The following RAP1GAP2 variants were observed in gnomAD, a reference collection of about 807,000 sequenced individuals.
RAP1GAP2 encodes the protein rap1 GTPase-activating protein 2.
RAP1GAP2 carries 27 observed loss-of-function variants against 95.0 expected under a neutral mutation model. The ratio of observed to expected loss-of-function variants is 0.28; its 90% CI spans 0.21 to 0.39. RAP1GAP2 has a LOEUF of 0.39. Among genes scored for constraint, RAP1GAP2 ranks in the 10% least tolerant of loss-of-function variants. The pLI, the probability that RAP1GAP2 is intolerant of heterozygous loss-of-function variation, is 1.00. For missense variants in RAP1GAP2, 771 were observed against 970.0 expected, an observed-to-expected ratio of 0.79 and a Z score of 2.72; for synonymous variants, 373 against 380.9, an observed-to-expected ratio of 0.98 and a Z score of 0.24.
At chr17:2,922,681 A>G (rs376594369) in intron 3 of RAP1GAP2, among the ~76,000 whole-genome samples, 10 of 152,308 alleles carry the variant, frequency 6.6e-5, no homozygotes, top group African/African-American at 1.9e-4. Flanking sequence ...GACCTGGTAC[A>G]TATGGGGCCA....
intron 2 of RAP1GAP2, among the ~76,000 whole-genome samples, chr17:2,839,887 C>T (rs1409272354): frequency 1.3e-5 from 2 of 152,124 alleles, no homozygotes; most frequent in African/African-American, 4.8e-5. Context: ...CAACCTCCGC[C>T]TCCTGGGTTC....
At chr17:3,026,852 G>A (rs879081610) in intron 21 of RAP1GAP2, 92 bp from the exon 22 acceptor site, 32 of 1,449,576 alleles carry the variant, frequency 2.2e-5, no homozygotes, top group South Asian at 8.1e-5. Flanking sequence ...AGGAGGCAGC[G>A]GCTGTCCTGG....
intron 3 of RAP1GAP2, among the ~76,000 whole-genome samples, chr17:2,928,971 C>T (rs1237216225): frequency 1.3e-5 from 2 of 152,120 alleles, no homozygotes; most frequent in Non-Finnish European, 2.9e-5. Flanking sequence ...CAGTGGCTCA[C>T]ACCTGTAATC....
chr17:2,924,436 A>G (rs946547642), intron 3 of RAP1GAP2, among the ~76,000 whole-genome samples: 6 of 152,136 alleles, frequency 3.9e-5, no homozygotes, highest in African/African-American at 1.4e-4. Context: ...TCAGATGTTA[A>G]TAGGATGGCT....
At chr17:2,954,690 T>C (rs979200946) in intron 3 of RAP1GAP2, among the ~76,000 whole-genome samples, 2 of 152,008 alleles carry the variant, frequency 1.3e-5, no homozygotes, top group African/African-American at 2.4e-5. Context: ...GCCTCCCAGG[T>C]TCAAGCGATT....
intron 13 of RAP1GAP2, 76 bp downstream of exon 13, chr17:2,995,542 AG>A: frequency 6.3e-7 from 1 of 1,576,898 alleles, no homozygotes; most frequent in Non-Finnish European, 8.7e-7. Flanking sequence ...ACCTGCTAAG[AG>A]GCTGTGGCCG....
chr17:2,760,556 G>C (rs2071226268), intron 1 of RAP1GAP2, among the ~76,000 whole-genome samples: 1 of 146,716 alleles, frequency 6.8e-6, no homozygotes, highest in South Asian at 2.2e-4. Context: ...GGCCAGGCTG[G>C]TCTTGAACTC....
rs1024450020 is a variant in RAP1GAP2, at chr17:2,826,246, C to T, written c.80+25696C>T. ...TCCTAACCTCGTGATCTCCCCGCCT[C>T]GGCCTCCCCAAGTGCTGGGATTACA... On this transcript the variant is annotated intron_variant, in intron 2 of 24. Coordinates refer to ENST00000254695, the MANE Select transcript of RAP1GAP2 (RefSeq NM_015085.5). Among the ~76,000 whole-genome samples the T allele has an allele frequency of 4.7e-5, 7 of 149,970 alleles. No homozygotes were observed. The East Asian group carries it at 6.0e-4, about 13-fold the overall frequency.
upstream of RAP1GAP2, among the ~76,000 whole-genome samples, chr17:2,793,419 G>A (rs566204969): frequency 1.1e-3 from 162 of 152,284 alleles, no homozygotes; most frequent in Non-Finnish European, 1.7e-3. Context: ...CTCCCAAAGT[G>A]TTGGGATTAC....
At chr17:2,850,274 A>G (rs926494276) in intron 2 of RAP1GAP2, among the ~76,000 whole-genome samples, 41 of 151,074 alleles carry the variant, frequency 2.7e-4, no homozygotes, top group African/African-American at 9.9e-4. Flanking sequence ...TGCTGGGATT[A>G]CAGGCGTGAG....
intron 3 of RAP1GAP2, among the ~76,000 whole-genome samples, chr17:2,935,641 G>A (rs1192009063): frequency 6.6e-6 from 1 of 152,046 alleles, no homozygotes; most frequent in East Asian, 1.9e-4. Flanking sequence ...ACGTAGAGCC[G>A]GCAGACATTT....
At chr17:2,830,315 G>C (rs2070767389) in intron 2 of RAP1GAP2, among the ~76,000 whole-genome samples, 1 of 152,220 alleles carries the variant, frequency 6.6e-6, no homozygotes, top group South Asian at 2.1e-4. Context: ...TCGGGAGGCT[G>C]AGGGAGGAGA....
At chr17:2,786,339 G>A (rs865903210) in intron 1 of RAP1GAP2, among the ~76,000 whole-genome samples, 15 of 152,360 alleles carry the variant, frequency 9.8e-5, no homozygotes, top group Middle Eastern at 3.4e-3. Flanking sequence ...TTTTGCAGGA[G>A]GAGGATTTCC....
chr17:2,830,829 T>C (rs1487930204), intron 2 of RAP1GAP2, among the ~76,000 whole-genome samples: 19 of 151,858 alleles, frequency 1.3e-4, no homozygotes, highest in Non-Finnish European at 7.4e-5. Context: ...AAAGATTTGC[T>C]TGTACTCCAA....
intron 3 of RAP1GAP2, among the ~76,000 whole-genome samples, chr17:2,939,973 A>AGCC (rs1406041758): frequency 6.6e-6 from 1 of 152,278 alleles, no homozygotes; most frequent in African/African-American, 2.4e-5. Context: ...CGTCAGCAGC[A>AGCC]GCCGCCGCCG....
intron 3 of RAP1GAP2, among the ~76,000 whole-genome samples, chr17:2,936,592 T>C (rs1027540747): frequency 6.6e-6 from 1 of 152,098 alleles, no homozygotes; most frequent in Non-Finnish European, 1.5e-5. Context: ...TGAGCTTTAG[T>C]TACCCTCCCC....
At chr17:2,949,357 C>T (rs1362398841) in intron 3 of RAP1GAP2, among the ~76,000 whole-genome samples, 5 of 152,194 alleles carry the variant, frequency 3.3e-5, no homozygotes, top group South Asian at 2.1e-4. Flanking sequence ...GAGGCTGTCC[C>T]GGGCAGGACG....
Position 2,922,826 on chromosome 17 carries a change from GTTTTTGT to G in RAP1GAP2, c.165+17464_165+17470del, listed in dbSNP as rs1333589422. On this transcript the variant is annotated intron_variant, in intron 3 of 24. Transcript: ENST00000254695. ...AAAAAGTGCCCAGTATTTTCTTTTT[GTTTTTGT>G]TTTTTTTTTTTTTTTTGAGACAGAA... Among the ~76,000 whole-genome samples the G allele has an allele frequency of 2.4e-3, 227 of 93,724 alleles. 1 individual carries two copies. In the East Asian group the frequency reaches 0.058, roughly 24 times the overall value. The allele number at this position is 93,724 out of a possible 152,430, so 61.5% of individuals were successfully genotyped here.
At chr17:2,880,197 G>A (rs144541968) in intron 2 of RAP1GAP2, among the ~76,000 whole-genome samples, 28 of 152,204 alleles carry the variant, frequency 1.8e-4, no homozygotes, top group African/African-American at 5.1e-4. Flanking sequence ...CGAAGGCTTG[G>A]GGGGGATGGG....
Sources: gnomAD v4.1 joint callset for allele counts (sites outside exome capture counted in the v4.1 genomes callset) on GRCh38, gnomAD v4.1.1 for gene constraint, MANE v1.5 for transcripts, NCBI Gene and HGNC (gene_info 2026-07-23, HGNC 2026-07-21) for gene names.